FGF2: variants seen among roughly 807,000 people sequenced by gnomAD.
The protein encoded by FGF2 is basic fibroblast growth factor bFGF.
Under a neutral mutation model 15.9 loss-of-function variants are expected in FGF2, and 13 were observed. The observed-to-expected ratio is 0.82, with a 90% CI of 0.53 to 1.30. FGF2 has a LOEUF of 1.30. FGF2 is among the 50% of genes most tolerant of loss of function. The probability of loss-of-function intolerance (pLI) is 0.00; values close to 1 mark genes in which losing one functional copy is unlikely to be tolerated. For missense variants in FGF2, 163 were observed against 196.9 expected (o/e 0.83, Z 1.03); for synonymous variants, 90 against 78.4 (o/e 1.15, Z -0.78).
Position 122,893,484 on chromosome 4 carries a change from T to G in FGF2, c.*1088T>G. 1 of 333,774 alleles carries G rather than the reference T, an allele frequency of 3.0e-6. No homozygotes were observed. Among genetic ancestry groups the G allele is most frequent in the South Asian group, 1.1e-4 (1 of 8,956 alleles). The allele number at this position is 333,774 out of a possible 1,614,324, so 20.7% of individuals were successfully genotyped here. ...TGGAGGCTTATCTACCTGTACATTT[T>G]TGGGGTCAGCTCTTTTTAACTTCTT... On this transcript the variant is annotated 3_prime_UTR_variant, in exon 3 of 3. Coordinates refer to ENST00000644866, the MANE Select transcript of FGF2 (RefSeq NM_001361665.2).
intron 1 of FGF2, among the ~76,000 whole-genome samples, chr4:122,875,250 ATT>A (rs527320677): frequency 5.5e-4 from 83 of 151,358 alleles, no homozygotes; most frequent in African/African-American, 2.0e-3. Flanking sequence ...TAATTAAGTA[ATT>A]TTTTTTTGTT....
At chr4:122,835,677 A>G (rs995211041) in intron 1 of FGF2, among the ~76,000 whole-genome samples, 1 of 152,106 alleles carries the variant, frequency 6.6e-6, no homozygotes, top group Non-Finnish European at 1.5e-5. Flanking sequence ...AATGTTTCCC[A>G]GCCATAGTGA....
At chr4:122,853,202 G>A (rs1403817286) in intron 1 of FGF2, among the ~76,000 whole-genome samples, 1 of 152,220 alleles carries the variant, frequency 6.6e-6, no homozygotes, top group Non-Finnish European at 1.5e-5. Context: ...GGAGGCTGAG[G>A]CAGGAGGATT....
chr4:122,845,548 ATCT>A (rs1479544517), intron 1 of FGF2, among the ~76,000 whole-genome samples: 2 of 152,212 alleles, frequency 1.3e-5, no homozygotes, highest in African/African-American at 4.8e-5. Flanking sequence ...TCTTAGCTAG[ATCT>A]TCTAGATAAC....
chr4:122,828,928 C>A (rs577181448), intron 1 of FGF2, among the ~76,000 whole-genome samples: 2 of 152,280 alleles, frequency 1.3e-5, no homozygotes, highest in Non-Finnish European at 2.9e-5. Flanking sequence ...TGCTGTGTGT[C>A]CCAATTGGTT....
chr4:122,864,633 C>T (rs997987012), intron 1 of FGF2, among the ~76,000 whole-genome samples: 1 of 152,184 alleles, frequency 6.6e-6, no homozygotes, highest in South Asian at 2.1e-4. Flanking sequence ...GAGAAATTCT[C>T]TCTTTTTCCT....
chr4:122,871,388 C>G (rs45545131), intron 1 of FGF2, among the ~76,000 whole-genome samples: 9 of 151,970 alleles, frequency 5.9e-5, no homozygotes, highest in African/African-American at 1.9e-4. Context: ...AATTTTCTGT[C>G]TCATTGATCT....
intron 1 of FGF2, among the ~76,000 whole-genome samples, chr4:122,875,232 TATC>T (rs1287391380): frequency 6.6e-6 from 1 of 152,152 alleles, no homozygotes; most frequent in African/African-American, 2.4e-5. Context: ...CATATTACAT[TATC>T]ATCATAATTA....
At chr4:122,845,404 C>T (rs1474663943) in intron 1 of FGF2, among the ~76,000 whole-genome samples, 1 of 152,168 alleles carries the variant, frequency 6.6e-6, no homozygotes, top group Admixed American at 6.5e-5. Flanking sequence ...GTCAGCCTGT[C>T]CTTTGAAGCT....
Position 122,894,711 on chromosome 4 carries a change from A to G in FGF2, c.*2315A>G, listed in dbSNP as rs1219373990. 1 of 152,200 alleles carries G rather than the reference A, an allele frequency of 6.6e-6. No homozygotes were observed. Among genetic ancestry groups the G allele is most frequent in the Non-Finnish European group, 1.5e-5 (1 of 68,030 alleles). 9.4% of individuals were successfully genotyped at this position (152,200 alleles called of 1,614,324 possible). A position where few individuals can be genotyped will look rare whatever the true frequency, so the allele number is the denominator to read the frequency against. ...TAAATTGTATAAAATATCCCCTAAC[A>G]TGTTTAAATGTCCATTTTTATTCAT... On this transcript the variant is annotated 3_prime_UTR_variant, in exon 3 of 3. Transcript: ENST00000644866.
intron 1 of FGF2, among the ~76,000 whole-genome samples, chr4:122,871,923 C>T (rs376488690): frequency 0.01 from 1,527 of 151,654 alleles, 37 homozygotes; most frequent in African/African-American, 0.035. Flanking sequence ...AAGAAATCAA[C>T]GAAAAAATGA....
intron 2 of FGF2, among the ~76,000 whole-genome samples, chr4:122,889,441 A>G (rs1249358138): frequency 6.6e-6 from 1 of 152,196 alleles, no homozygotes; most frequent in Non-Finnish European, 1.5e-5. Flanking sequence ...TAATAAAATT[A>G]TAATGCACCA....
rs773898530 is a variant in FGF2 at position 122,892,441 on chromosome 4, A to G, written c.*45A>G. Reference sequence around the variant, plus strand: ...TCTCATTTCACATGAAAGAAGAAGTATATTTTAGAAATTTGTTAATGAGAG... The same window carrying G: ...TCTCATTTCACATGAAAGAAGAAGTGTATTTTAGAAATTTGTTAATGAGAG... On this transcript the variant is annotated 3_prime_UTR_variant, in exon 3 of 3. Transcript: ENST00000644866. The G allele has an allele frequency of 1.9e-6, 3 of 1,611,290 alleles. No individual in the cohort carries two copies. The highest frequency in any genetic ancestry group is 1.7e-5 in the Admixed American group (1 of 59,930).
At position 122,897,892 on chromosome 4, in the gene FGF2, C is replaced by T. The variant is rs550565571; in HGVS notation, c.*5496C>T. 1.7e-5 allele frequency: 9 copies of T among 541,816 alleles called. No individual in the cohort carries two copies. Among genetic ancestry groups the T allele is most frequent in the East Asian group, 3.1e-5 (1 of 31,990 alleles). 33.6% of individuals were successfully genotyped at this position (541,816 alleles called of 1,614,324 possible). On this transcript the variant is annotated 3_prime_UTR_variant, in exon 3 of 3. Coordinates refer to ENST00000644866, the MANE Select transcript of FGF2 (RefSeq NM_001361665.2). ...GATGAAATCTTTTCCCACCTTTTCTCTTCAGGAAATATAAGTGGTTTTGTT... is the reference window on the plus strand; with the variant it reads ...GATGAAATCTTTTCCCACCTTTTCTTTTCAGGAAATATAAGTGGTTTTGTT...
chr4:122,830,072 G>C (rs1725729462), intron 1 of FGF2, among the ~76,000 whole-genome samples: 1 of 152,178 alleles, frequency 6.6e-6, no homozygotes, highest in South Asian at 2.1e-4. Context: ...CTGAACATCT[G>C]TCACTGGAAT....
chr4:122,891,601 A>G (rs1307192903), intron 2 of FGF2, among the ~76,000 whole-genome samples: 1 of 152,234 alleles, frequency 6.6e-6, no homozygotes, highest in Non-Finnish European at 1.5e-5. Context: ...GGCATTATAT[A>G]CCAATAGCTA....
chr4:122,897,585 A>C lies in FGF2; in HGVS notation c.*5189A>C. ...AGAAAGTAAACACATTAATTTCCTC[A>C]ACATTTTTAAGCCAATTAAAAATAT... On this transcript the variant is annotated 3_prime_UTR_variant, in exon 3 of 3. Transcript: ENST00000644866. 1 of 1,379,650 alleles carries C rather than the reference A, an allele frequency of 7.2e-7. No homozygotes were observed. The highest frequency in any genetic ancestry group is 1.0e-6 in the Non-Finnish European group (1 of 967,598). 85.5% of individuals were successfully genotyped at this position (1,379,650 alleles called of 1,614,324 possible). A position where few individuals can be genotyped will look rare whatever the true frequency, so the allele number is the denominator to read the frequency against.
chr4:122,868,753 A>G (rs1242065628), intron 1 of FGF2, among the ~76,000 whole-genome samples: 6 of 152,112 alleles, frequency 3.9e-5, no homozygotes, highest in Non-Finnish European at 8.8e-5. Flanking sequence ...AAGTGTTTCT[A>G]TTTCTCCACA....
intron 1 of FGF2, among the ~76,000 whole-genome samples, chr4:122,850,913 A>C (rs1726218244): frequency 6.6e-6 from 1 of 152,294 alleles, no homozygotes; most frequent in Non-Finnish European, 1.5e-5. Context: ...ACTTGCTTTT[A>C]TGACGCTTAG....
Sources: gnomAD v4.1 joint callset for allele counts (sites outside exome capture counted in the v4.1 genomes callset) on GRCh38, gnomAD v4.1.1 for gene constraint, MANE v1.5 for transcripts, NCBI Gene and HGNC (gene_info 2026-07-23, HGNC 2026-07-21) for gene names.